Variants in DNM1L observed in about 807,000 individuals in gnomAD.
DNM1L encodes dynamin 1L.
A neutral mutation model predicts 92.8 loss-of-function variants in DNM1L; 33 were observed. The ratio of observed to expected loss-of-function variants is 0.36; its 90% confidence interval spans 0.27 to 0.48. The LOEUF (loss-of-function observed/expected upper bound fraction) is 0.48. DNM1L is among the 20% of genes least tolerant of loss of function. DNM1L has a pLI of 0.99. For synonymous variants in DNM1L, 284 were observed against 305.0 expected (o/e 0.93, Z 0.72); for missense variants, 485 against 888.8 (o/e 0.55, Z 5.78).
Position 32,743,361 on chromosome 12 carries a change from A to G in DNM1L, c.2162A>G (p.Gln721Arg). The change falls in exon 20 of 20, where the codon CAA (glutamine) becomes CGA (arginine). Residue 721 changes from glutamine to arginine, a missense_variant. Coordinates refer to ENST00000549701, the MANE Select transcript of DNM1L (RefSeq NM_012062.5). ...KEAADMLKAL[Q>R]GASQIIAEIR... ...TTTTTTCCTTTAATGCAGGCATTACAAGGAGCCAGTCAAATTATTGCTGAA... is the reference window on the plus strand; with the variant it reads ...TTTTTTCCTTTAATGCAGGCATTACGAGGAGCCAGTCAAATTATTGCTGAA... 1 of 1,613,970 alleles carries G rather than the reference A, an allele frequency of 6.2e-7. No homozygotes were observed. Among genetic ancestry groups the G allele is most frequent in the Non-Finnish European group, 8.5e-7 (1 of 1,180,004 alleles).
chr12:32,743,367 C>T lies in DNM1L; in HGVS notation c.2168C>T (p.Ala723Val). 2 of 1,613,816 alleles carry T rather than the reference C, an allele frequency of 1.2e-6. No individual in the cohort carries two copies. Among genetic ancestry groups the T allele is most frequent in the Non-Finnish European group, 1.7e-6 (2 of 1,179,966 alleles). The stretch of plus-strand genomic sequence containing the variant: ...CCTTTAATGCAGGCATTACAAGGAG[C>T]CAGTCAAATTATTGCTGAAATCCGG... ...AADMLKALQG[A>V]SQIIAEIRET... The change falls in exon 20 of 20, where the codon GCC (alanine) becomes GTC (valine). Residue 723 changes from alanine (A) to valine (V), a missense_variant. Coordinates refer to ENST00000549701, the MANE Select transcript of DNM1L (RefSeq NM_012062.5).
chr12:32,692,699 C>G (rs1952280167), intron 1 of DNM1L: 1 of 152,336 alleles, frequency 6.6e-6, no homozygotes, highest in East Asian at 1.9e-4. Flanking sequence ...CCAAACTCCA[C>G]ACAGAACTAG....
chr12:32,742,874 T>C, intron 19 of DNM1L, 126 bp downstream of exon 19: 1 of 851,890 alleles, frequency 1.2e-6, no homozygotes, highest in Non-Finnish European at 1.8e-6. Context: ...TTCCTGTTGG[T>C]ACTTGATAAG....
intron 18 of DNM1L, 40 bp downstream of exon 18, chr12:32,740,558 C>G: frequency 6.7e-7 from 1 of 1,494,280 alleles, no homozygotes. Context: ...TTTAATACTT[C>G]TGGATGATTC....
rs1489914623 is a variant in DNM1L at position 32,710,858 on chromosome 12, A to G, written c.370-71A>G. ...TTCATTTTTAAAAGCATTAATGTCTATGTACTTGAAATGAAGTTTATTACT... is the reference window on the plus strand; with the variant it reads ...TTCATTTTTAAAAGCATTAATGTCTGTGTACTTGAAATGAAGTTTATTACT... On this transcript the variant is annotated intron_variant, in intron 4 of 19. Coordinates refer to ENST00000549701, the MANE Select transcript of DNM1L (RefSeq NM_012062.5). The G allele has an allele frequency of 6.6e-6, 8 of 1,219,406 alleles. No homozygotes were observed. The East Asian group carries it at 1.0e-4, about 16-fold the overall frequency. The allele number at this position is 1,219,406 out of a possible 1,614,324, so 75.5% of individuals were successfully genotyped here. A position where few individuals can be genotyped will look rare whatever the true frequency, so the allele number is the denominator to read the frequency against.
intron 9 of DNM1L, chr12:32,726,391 T>G (rs2137480228): frequency 1.3e-6 from 2 of 1,577,194 alleles, no homozygotes; most frequent in Admixed American, 3.3e-5. Context: ...CACTGCTGCT[T>G]GCACTCTGCT....
At chr12:32,742,222 A>G (rs2097262112) in intron 18 of DNM1L, among the ~76,000 whole-genome samples, 1 of 151,836 alleles carries the variant, frequency 6.6e-6, no homozygotes, top group African/African-American at 2.4e-5. Flanking sequence ...CTCGTATCTC[A>G]GCCTCCCGAG....
At chr12:32,734,731 C>A (rs1248735154) in intron 13 of DNM1L, among the ~76,000 whole-genome samples, 4 of 152,130 alleles carry the variant, frequency 2.6e-5, no homozygotes, top group African/African-American at 9.7e-5. Context: ...TCAACTTGAA[C>A]CCAGGAGGTG....
chr12:32,715,880 G>T (rs1953341329), intron 6 of DNM1L, among the ~76,000 whole-genome samples: 1 of 152,154 alleles, frequency 6.6e-6, no homozygotes, highest in Non-Finnish European at 1.5e-5. Context: ...TAAATTAGCA[G>T]TCCCGTTCCT....
intron 9 of DNM1L, chr12:32,726,922 CAA>C (rs1397349566): frequency 1.4e-6 from 1 of 698,792 alleles, no homozygotes; most frequent in Non-Finnish European, 2.6e-6. Context: ...AATTCTAAGA[CAA>C]AACTCATAGG....
chr12:32,696,608 A>G (rs1412178497), intron 1 of DNM1L, among the ~76,000 whole-genome samples: 1 of 151,850 alleles, frequency 6.6e-6, no homozygotes, highest in Non-Finnish European at 1.5e-5. Context: ...TCTAAAAAAA[A>G]AAAAGAAAAA....
chr12:32,679,834 G>A, intron 1 of DNM1L: 4 of 1,004,968 alleles, frequency 4.0e-6, no homozygotes, highest in Non-Finnish European at 3.6e-6. Flanking sequence ...CCTGGGGGAC[G>A]CGCGGGGCAC....
At chr12:32,691,483 TC>T (rs1458611608) in intron 1 of DNM1L, among the ~76,000 whole-genome samples, 2 of 152,152 alleles carry the variant, frequency 1.3e-5, no homozygotes, top group Non-Finnish European at 2.9e-5. Flanking sequence ...GACCTCGTGA[TC>T]CACCCGCCTT....
chr12:32,737,382 GCATT>G, intron 14 of DNM1L: 1 of 513,528 alleles, frequency 1.9e-6, no homozygotes, highest in Non-Finnish European at 3.4e-6. Flanking sequence ...GTAGATTTAA[GCATT>G]TATTTAAGCA....
intron 6 of DNM1L, 109 bp from the exon 7 acceptor site, chr12:32,718,534 A>G: frequency 7.3e-7 from 1 of 1,369,616 alleles, no homozygotes; most frequent in Non-Finnish European, 1.0e-6. Context: ...CAGAGGTAAT[A>G]CTAAGTGGGA....
chr12:32,743,083 G>C (rs1955427777), intron 19 of DNM1L, among the ~76,000 whole-genome samples: 1 of 151,556 alleles, frequency 6.6e-6, no homozygotes, highest in South Asian at 2.1e-4. Context: ...TTTTAGTAGA[G>C]ACGGGGTTTC....
Position 32,731,779 on chromosome 12 carries a change from G to A in DNM1L, c.1357-75G>A. On this transcript the variant is annotated intron_variant, in intron 11 of 19. Coordinates refer to ENST00000549701, the MANE Select transcript of DNM1L (RefSeq NM_012062.5). The surrounding 1 kb of genome is among the most constrained non-coding windows in gnomAD (Gnocchi z 5.1). ...AGCTACTTGGGAGGCTAAGGTGGGA[G>A]GATGGCTTAGTGAGACTATGACTTA... is the stretch of plus-strand genomic sequence containing the variant. 1 of 1,270,852 alleles carries A rather than the reference G, an allele frequency of 7.9e-7. No homozygotes were observed. The highest frequency in any genetic ancestry group is 1.2e-5 in the South Asian group (1 of 82,328). The allele number at this position is 1,270,852 out of a possible 1,614,324, so 78.7% of individuals were successfully genotyped here.
At chr12:32,724,857 T>G (rs944890490) in intron 9 of DNM1L, among the ~76,000 whole-genome samples, 3 of 151,352 alleles carry the variant, frequency 2.0e-5, no homozygotes, top group Non-Finnish European at 4.4e-5. Context: ...TTTATGAGAT[T>G]TAACTGAATA....
At chr12:32,740,543 C>A in intron 18 of DNM1L, 25 bp downstream of exon 18, 1 of 1,560,720 alleles carries the variant, frequency 6.4e-7, no homozygotes, top group Non-Finnish European at 8.8e-7. Context: ...ATATAAATGA[C>A]GGACTTTAAT....
Sources: allele counts gnomAD v4.1 joint callset (sites outside exome capture counted in the v4.1 genomes callset), GRCh38; gene constraint gnomAD v4.1.1; non-coding constraint Gnocchi (gnomAD v3.1); transcripts MANE v1.5; gene names NCBI Gene and HGNC (gene_info 2026-07-23, HGNC 2026-07-21).